HIVEP1: variants seen among roughly 807,000 people sequenced by gnomAD.
HIVEP1 encodes zinc finger protein 40.
Under a neutral mutation model 180.0 loss-of-function variants are expected in HIVEP1, and 36 were observed. That is an observed-to-expected ratio of 0.20 (90% CI 0.15 to 0.26). HIVEP1 has a LOEUF of 0.26. HIVEP1 is among the 10% of genes least tolerant of loss of function. HIVEP1 has a pLI of 1.00. For missense variants in HIVEP1, 3,143 were observed against 3,268.7 expected, an observed-to-expected ratio of 0.96 and a Z score of 0.94; for synonymous variants, 1,239 against 1,239.0, an observed-to-expected ratio of 1.00 and a Z score of 0.00.
the HIVEP1 span, among the ~76,000 whole-genome samples, chr6:12,207,624 C>T: frequency 1.3e-5 from 2 of 151,718 alleles, no homozygotes; most frequent in African/African-American, 2.4e-5. Flanking sequence ...CTAGATTTGG[C>T]GGGGCATGGT....
At chr6:12,081,427 A>G (rs1053311967) in intron 2 of HIVEP1, among the ~76,000 whole-genome samples, 1 of 152,100 alleles carries the variant, frequency 6.6e-6, no homozygotes, top group African/African-American at 2.4e-5. Flanking sequence ...TCTTACCTCA[A>G]TACAGTGGAG....
chr6:12,122,771 A>G lies in HIVEP1; in HGVS notation c.2976A>G (p.Val992=). 1 of 1,612,284 alleles carries G rather than the reference A, an allele frequency of 6.2e-7. No individual in the cohort carries two copies. Among genetic ancestry groups the G allele is most frequent in the Non-Finnish European group, 8.5e-7 (1 of 1,179,540 alleles). Residue 992 remains valine (V), a synonymous_variant, in exon 4 of 9, where the codon GTA becomes GTG. Coordinates refer to ENST00000379388, the MANE Select transcript of HIVEP1 (RefSeq NM_002114.4). Reference sequence around the variant, plus strand: ...AGTTACATGGACCAAAAACAAAGGTAGCCATGAGAGAACCTGAGCACAGCC... The same window carrying G: ...AGTTACATGGACCAAAAACAAAGGTGGCCATGAGAGAACCTGAGCACAGCC... ...CSELHGPKTK[V]AMREPEHSPV... is the part of the protein sequence containing the mutation.
At chr6:12,186,234 A>G in the HIVEP1 span, among the ~76,000 whole-genome samples, 1 of 151,302 alleles carries the variant, frequency 6.6e-6, no homozygotes, top group African/African-American at 2.4e-5. Context: ...TTACTGGCAT[A>G]TGTATTAATA....
intron 2 of HIVEP1, among the ~76,000 whole-genome samples, chr6:12,021,560 T>C (rs911820644): frequency 9.8e-5 from 15 of 152,334 alleles, no homozygotes; most frequent in African/African-American, 3.6e-4. Flanking sequence ...ACTTACAATA[T>C]TACATCATGA....
At chr6:12,100,547 A>T (rs1254012982) in intron 3 of HIVEP1, among the ~76,000 whole-genome samples, 1 of 152,172 alleles carries the variant, frequency 6.6e-6, no homozygotes, top group African/African-American at 2.4e-5. Context: ...GAGATCCTAG[A>T]ACTTTCTTAG....
chr6:12,168,333 AATT>A (rs1430834523), downstream of HIVEP1, among the ~76,000 whole-genome samples: 1 of 38,614 alleles, frequency 2.6e-5, no homozygotes, highest in South Asian at 6.7e-4. Flanking sequence ...TATATTATAT[AATT>A]ATATATACAT....
rs977046528 is a variant in HIVEP1 at position 12,121,488 on chromosome 6, G to A, written c.1693G>A (p.Val565Ile). The A allele has an allele frequency of 1.2e-6, 2 of 1,614,154 alleles. No homozygotes were observed. The change falls in exon 4 of 9, where the codon GTC (valine) becomes ATC (isoleucine). Residue 565 changes from valine (V) to isoleucine (I), a missense_variant. By Grantham distance (29) the Val-to-Ile change is conservative. Transcript: ENST00000379388. This position sits in a 1 kb window ranked among gnomAD's most constrained non-coding sequence, Gnocchi z 5.3. ...TGTGACAGAGTTACCGAAAGTTGTG[G>A]TCCACCATGTCACTGTGTCCCCCTT... ...QAVTELPKVVVHHVTVSPLRT... is the reference protein window; with the variant it reads ...QAVTELPKVVIHHVTVSPLRT...
intron 2 of HIVEP1, among the ~76,000 whole-genome samples, chr6:12,050,614 C>T (rs1423314212): frequency 6.6e-6 from 1 of 151,958 alleles, no homozygotes. Context: ...AAATTAAACA[C>T]CATGGGTCCA....
intron 7 of HIVEP1, among the ~76,000 whole-genome samples, chr6:12,150,988 C>G (rs1759669718): frequency 6.6e-6 from 1 of 152,204 alleles, no homozygotes. Flanking sequence ...GGGAGCCCCT[C>G]CTGCTGCTTT....
chr6:12,176,776 T>C, the HIVEP1 span, among the ~76,000 whole-genome samples: 2 of 152,238 alleles, frequency 1.3e-5, no homozygotes, highest in African/African-American at 4.8e-5. Context: ...TCTCTCATTC[T>C]GTAGATTGTT....
At chr6:12,095,742 G>T (rs1392224762) in intron 3 of HIVEP1, among the ~76,000 whole-genome samples, 1 of 151,818 alleles carries the variant, frequency 6.6e-6, no homozygotes, top group African/African-American at 2.4e-5. Flanking sequence ...AGCTGAAGTT[G>T]AATAATGTTA....
At chr6:12,186,797 C>T in the HIVEP1 span, among the ~76,000 whole-genome samples, 13 of 151,710 alleles carry the variant, frequency 8.6e-5, no homozygotes, top group African/African-American at 2.9e-4. Context: ...ATAAACAGAC[C>T]TGAGATGACC....
chr6:12,139,884 C>CT, intron 7 of HIVEP1, among the ~76,000 whole-genome samples: 1 of 152,360 alleles, frequency 6.6e-6, no homozygotes, highest in Non-Finnish European at 1.5e-5. Flanking sequence ...CAGACTGCCT[C>CT]TGTAGTCTCC....
chr6:12,130,398 C>T (rs576423877), intron 5 of HIVEP1, among the ~76,000 whole-genome samples: 9 of 152,170 alleles, frequency 5.9e-5, no homozygotes, highest in East Asian at 3.8e-4. Flanking sequence ...AGTAGTGCAG[C>T]GCAGTGGTGC....
chr6:12,150,682 A>G (rs1759651809), intron 7 of HIVEP1, among the ~76,000 whole-genome samples: 2 of 152,220 alleles, frequency 1.3e-5, no homozygotes, highest in African/African-American at 4.8e-5. Context: ...CAGTGCTAAT[A>G]TTATTTTGAA....
At chr6:12,113,210 A>T (rs550755864) in intron 3 of HIVEP1, among the ~76,000 whole-genome samples, 26 of 150,434 alleles carry the variant, frequency 1.7e-4, no homozygotes, top group Non-Finnish European at 5.9e-5. Flanking sequence ...GGCATTCTAG[A>T]TTATGACTGT....
chr6:12,010,991 A>G (rs530464831), upstream of HIVEP1, among the ~76,000 whole-genome samples: 361 of 152,022 alleles, frequency 2.4e-3, no homozygotes, highest in African/African-American at 8.1e-3. Context: ...TCAGGCTGGC[A>G]GGCAGGGGTT....
At chr6:12,096,630 T>A (rs1773797113) in intron 3 of HIVEP1, among the ~76,000 whole-genome samples, 1 of 151,522 alleles carries the variant, frequency 6.6e-6, no homozygotes, top group South Asian at 2.1e-4. Context: ...GACTCTCATT[T>A]AAAAAAAAAT....
chr6:12,059,552 C>T (rs1268471928), intron 2 of HIVEP1, among the ~76,000 whole-genome samples: 1 of 152,202 alleles, frequency 6.6e-6, no homozygotes, highest in Non-Finnish European at 1.5e-5. Flanking sequence ...ATGATCTTGA[C>T]TGCTTCTTCT....
Sources: gnomAD v4.1 joint callset for allele counts (sites outside exome capture counted in the v4.1 genomes callset) on GRCh38, gnomAD v4.1.1 for gene constraint, Gnocchi (gnomAD v3.1) non-coding constraint, MANE v1.5 for transcripts, NCBI Gene and HGNC (gene_info 2026-07-23, HGNC 2026-07-21) for gene names.